Variants in MAD1L1 observed in about 807,000 individuals in gnomAD.
MAD1L1 encodes the protein mitotic arrest deficient 1 like 1, also known as mitotic spindle assembly checkpoint protein MAD1.
A neutral mutation model predicts 96.9 loss-of-function variants in MAD1L1; 95 were observed. That is an observed-to-expected ratio of 0.98 (90% CI 0.83 to 1.16). MAD1L1 has a LOEUF of 1.16. Among genes scored for constraint, MAD1L1 ranks in the 50% most tolerant of loss-of-function variants. The pLI, the probability that MAD1L1 is intolerant of heterozygous loss-of-function variation, is 0.00. For synonymous variants in MAD1L1, 473 were observed against 396.6 expected, an observed-to-expected ratio of 1.19 and a Z score of -2.29; for missense variants, 1,007 against 954.4, an observed-to-expected ratio of 1.06 and a Z score of -0.73.
Position 2,165,181 on chromosome 7 carries a change from G to A in MAD1L1, c.987-15943C>T, listed in dbSNP as rs573147846. Among the ~76,000 whole-genome samples, 21 of 151,664 alleles carry A rather than the reference G, an allele frequency of 1.4e-4. No homozygotes were observed. In the South Asian group the frequency reaches 4.4e-3, roughly 32 times the overall value. On this transcript the variant is annotated intron_variant, in intron 10 of 18. Coordinates refer to ENST00000265854, the MANE Select transcript of MAD1L1 (RefSeq NM_001013836.2). ...ATCGCACCATTGCACTCCAGCCTGG[G>A]CGACAAAGTGAGACTCCATCTCAAA... is the stretch of plus-strand genomic sequence containing the variant.
intron 12 of MAD1L1, among the ~76,000 whole-genome samples, chr7:2,064,973 G>A (rs537094151): frequency 6.6e-6 from 1 of 152,210 alleles, no homozygotes; most frequent in East Asian, 1.9e-4. Flanking sequence ...TCTCCCGGGA[G>A]GATGGTGGCT....
At chr7:1,926,262 C>A (rs1040123550) in intron 17 of MAD1L1, among the ~76,000 whole-genome samples, 2 of 152,216 alleles carry the variant, frequency 1.3e-5, no homozygotes, top group African/African-American at 4.8e-5. Context: ...TTAGAACCTG[C>A]CACAACCACA....
chr7:2,208,734 G>A (rs55971358), intron 10 of MAD1L1, among the ~76,000 whole-genome samples: 4,033 of 152,084 alleles, frequency 0.027, 95 homozygotes, highest in South Asian at 0.073. Context: ...CCAGCCTCAC[G>A]CCATCTTTCC....
intron 14 of MAD1L1, among the ~76,000 whole-genome samples, chr7:1,987,577 G>A (rs777978007): frequency 1.3e-5 from 2 of 151,996 alleles, no homozygotes; most frequent in Admixed American, 1.3e-4. Context: ...GGGAGGGGGG[G>A]AGAGGCAGGT....
chr7:2,134,290 T>A (rs916078164), intron 11 of MAD1L1, among the ~76,000 whole-genome samples: 2 of 152,216 alleles, frequency 1.3e-5, no homozygotes, highest in Admixed American at 1.3e-4. Context: ...TCAAATTCCC[T>A]CTGCTTGTTG....
At chr7:2,171,884 C>T (rs1790724937) in intron 10 of MAD1L1, among the ~76,000 whole-genome samples, 1 of 152,192 alleles carries the variant, frequency 6.6e-6, no homozygotes, top group Non-Finnish European at 1.5e-5. Flanking sequence ...AGCCCAAGAC[C>T]AGACCCGTAA....
At chr7:1,970,331 C>CA (rs1554313149) in intron 15 of MAD1L1, among the ~76,000 whole-genome samples, 116 of 116,512 alleles carry the variant, frequency 1.0e-3, no homozygotes, top group Middle Eastern at 0.011. Context: ...TTAATTTTTA[C>CA]TTTTTTTTTT....
chr7:2,120,819 C>T (rs561041248), intron 11 of MAD1L1, among the ~76,000 whole-genome samples: 1 of 152,200 alleles, frequency 6.6e-6, no homozygotes, highest in Non-Finnish European at 1.5e-5. Flanking sequence ...GACAGCAGGG[C>T]CTCAGGAGCT....
intron 18 of MAD1L1, among the ~76,000 whole-genome samples, chr7:1,828,329 G>A (rs574656124): frequency 7.9e-5 from 12 of 152,142 alleles, no homozygotes; most frequent in African/African-American, 2.9e-4. Flanking sequence ...CCCGAGTTGA[G>A]GGACAGGGCT....
chr7:2,029,452 T>C (rs1783122627), intron 12 of MAD1L1, among the ~76,000 whole-genome samples: 1 of 152,162 alleles, frequency 6.6e-6, no homozygotes. Flanking sequence ...GACACCGTGT[T>C]CCCGACCGTG....
rs560786436 is a variant in MAD1L1, at chr7:2,014,736, C to T, written c.1219-94G>A. On this transcript the variant is annotated intron_variant, in intron 12 of 18. Coordinates refer to ENST00000265854, the MANE Select transcript of MAD1L1 (RefSeq NM_001013836.2). ...GGAAGGCCCCACGAGAGCTGGGTCA[C>T]GCGGGGGCTCCCTCGTGAGGACCCA... 40 of 1,397,684 alleles carry T rather than the reference C, an allele frequency of 2.9e-5. No homozygotes were observed. The South Asian group carries it at 3.0e-4, about 11-fold the overall frequency. The allele number at this position is 1,397,684 out of a possible 1,614,324, so 86.6% of individuals were successfully genotyped here.
At chr7:2,060,460 C>T (rs1234878125) in intron 12 of MAD1L1, among the ~76,000 whole-genome samples, 3 of 152,074 alleles carry the variant, frequency 2.0e-5, no homozygotes, top group East Asian at 1.9e-4. Context: ...GCCGAGATAA[C>T]GCTGATGTCG....
intron 11 of MAD1L1, among the ~76,000 whole-genome samples, chr7:2,097,724 G>GCAGCAGGGGCTGCCCGGAC (rs1334542019): frequency 6.6e-6 from 1 of 152,226 alleles, no homozygotes; most frequent in African/African-American, 2.4e-5. Context: ...ACACACAGCA[G>GCAGCAGGGGCTGCCCGGAC]CAGCAGGGGC....
chr7:2,209,543 G>A (rs997961518), intron 10 of MAD1L1, among the ~76,000 whole-genome samples: 11 of 152,180 alleles, frequency 7.2e-5, no homozygotes, highest in African/African-American at 2.4e-4. Flanking sequence ...CATCCCCATC[G>A]ACCAAAACCC....
At chr7:2,094,396 G>C (rs931688599) in intron 11 of MAD1L1, among the ~76,000 whole-genome samples, 37 of 152,342 alleles carry the variant, frequency 2.4e-4, no homozygotes, top group Non-Finnish European at 4.1e-4. Flanking sequence ...TCACAACACT[G>C]CTGAGGAGGC....
intron 12 of MAD1L1, among the ~76,000 whole-genome samples, chr7:2,032,833 G>GT (rs920460809): frequency 2.2e-4 from 34 of 152,328 alleles, no homozygotes; most frequent in African/African-American, 7.5e-4. Flanking sequence ...CGTGAGCACT[G>GT]TAAGAACAGG....
intron 15 of MAD1L1, among the ~76,000 whole-genome samples, chr7:1,975,100 G>A (rs901646646): frequency 1.3e-5 from 2 of 152,254 alleles, no homozygotes; most frequent in African/African-American, 2.4e-5. Flanking sequence ...TGACAGTGCT[G>A]CCCAGCCAGG....
intron 14 of MAD1L1, among the ~76,000 whole-genome samples, chr7:1,984,845 T>C (rs904642819): frequency 2.0e-5 from 3 of 152,244 alleles, no homozygotes; most frequent in Admixed American, 6.5e-5. Flanking sequence ...ATTTTGTAGC[T>C]TTTACATCTA....
At chr7:1,992,556 T>G (rs4719386) in intron 14 of MAD1L1, among the ~76,000 whole-genome samples, 1 of 152,208 alleles carries the variant, frequency 6.6e-6, no homozygotes, top group Non-Finnish European at 1.5e-5. Flanking sequence ...AATTTGAAAG[T>G]TCTCCCTACA....
Sources: allele counts gnomAD v4.1 joint callset (sites outside exome capture counted in the v4.1 genomes callset), GRCh38; gene constraint gnomAD v4.1.1; transcripts MANE v1.5; gene names NCBI Gene and HGNC (gene_info 2026-07-23, HGNC 2026-07-21).